SLAIN2: variants seen among roughly 807,000 people sequenced by gnomAD.
SLAIN2 encodes the protein SLAIN family member 2, also known as SLAIN motif-containing protein 2.
Under a neutral mutation model 56.6 loss-of-function variants are expected in SLAIN2, and 31 were observed. The ratio of observed to expected loss-of-function variants is 0.55; its 90% confidence interval spans 0.41 to 0.74. The LOEUF (loss-of-function observed/expected upper bound fraction) is 0.74, where lower values mean the gene tolerates loss of function less well. SLAIN2 is among the 30% of genes least tolerant of loss of function. The pLI is 0.00. For synonymous variants in SLAIN2, 317 were observed against 284.9 expected, an observed-to-expected ratio of 1.11 and a Z score of -1.13; for missense variants, 777 against 754.2, an observed-to-expected ratio of 1.03 and a Z score of -0.35.
At chr4:48,347,900 A>G (rs1320980661) in intron 1 of SLAIN2, among the ~76,000 whole-genome samples, 2 of 152,216 alleles carry the variant, frequency 1.3e-5, no homozygotes, top group African/African-American at 2.4e-5. Flanking sequence ...TTCATTTAGC[A>G]TTATGTTTTC....
At chr4:48,410,561 C>T (rs757615723) in intron 6 of SLAIN2, among the ~76,000 whole-genome samples, 9 of 152,194 alleles carry the variant, frequency 5.9e-5, no homozygotes, top group Non-Finnish European at 1.0e-4. Flanking sequence ...TTGCCAGACA[C>T]GAATCCGCTG....
chr4:48,351,369 T>C (rs1301594289), intron 1 of SLAIN2, among the ~76,000 whole-genome samples: 2 of 152,358 alleles, frequency 1.3e-5, no homozygotes, highest in African/African-American at 2.4e-5. Flanking sequence ...GAAAGAGTAC[T>C]TTAGTAATTT....
chr4:48,363,768 C>T (rs1214265971), intron 1 of SLAIN2, among the ~76,000 whole-genome samples: 190 of 126,432 alleles, frequency 1.5e-3, no homozygotes, highest in Middle Eastern at 5.1e-3. Flanking sequence ...ACCTCCCTCC[C>T]GGACGGGGCG....
chr4:48,390,084 C>CT (rs58551776), intron 6 of SLAIN2, among the ~76,000 whole-genome samples: 55,536 of 139,298 alleles, frequency 0.4, 11,332 homozygotes, highest in East Asian at 0.5. Context: ...TTTTCTTTTT[C>CT]TTTTTTTTTT....
chr4:48,383,913 T>C, intron 6 of SLAIN2, 129 bp downstream of exon 6: 4 of 993,190 alleles, frequency 4.0e-6, no homozygotes, highest in Non-Finnish European at 2.9e-6. Flanking sequence ...TATAGTAAAA[T>C]TTAGTGTTTA....
At chr4:48,372,670 T>A (rs1269540269) in intron 2 of SLAIN2, among the ~76,000 whole-genome samples, 1 of 152,202 alleles carries the variant, frequency 6.6e-6, no homozygotes, top group Admixed American at 6.5e-5. Context: ...TAGGAGTGTG[T>A]AAGAGAGGCA....
chr4:48,390,859 G>A (rs1220707589), intron 6 of SLAIN2, among the ~76,000 whole-genome samples: 1 of 152,138 alleles, frequency 6.6e-6, no homozygotes, highest in Non-Finnish European at 1.5e-5. Context: ...TTACTTGATG[G>A]AAGAACACTA....
chr4:48,355,797 C>T (rs1476058009), intron 1 of SLAIN2, among the ~76,000 whole-genome samples: 1 of 151,618 alleles, frequency 6.6e-6, no homozygotes, highest in Non-Finnish European at 1.5e-5. Flanking sequence ...TATCTAATTA[C>T]ATATATTTAT....
At chr4:48,362,796 G>C (rs1310401290) in intron 1 of SLAIN2, among the ~76,000 whole-genome samples, 3 of 102,982 alleles carry the variant, frequency 2.9e-5, no homozygotes, top group African/African-American at 1.2e-4. Flanking sequence ...TAATTCTTGG[G>C]TGTTTCTCAC....
chr4:48,398,825 G>C (rs192550458), intron 6 of SLAIN2, among the ~76,000 whole-genome samples: 1 of 152,232 alleles, frequency 6.6e-6, no homozygotes, highest in East Asian at 1.9e-4. Context: ...TCTTATTTCT[G>C]AGTTCTCCCT....
chr4:48,377,536 A>C (rs1484569998), intron 2 of SLAIN2, among the ~76,000 whole-genome samples: 8 of 152,072 alleles, frequency 5.3e-5, no homozygotes, highest in Non-Finnish European at 1.2e-4. Context: ...ATGAGAAAAC[A>C]TAAGTATGCT....
At chr4:48,387,317 T>G (rs1443610085) in intron 6 of SLAIN2, 1 of 152,218 alleles carries the variant, frequency 6.6e-6, no homozygotes, top group African/African-American at 2.4e-5. Context: ...AGAATTACCA[T>G]TTTGTAATTA....
chr4:48,385,830 T>G (rs541255296), intron 6 of SLAIN2, among the ~76,000 whole-genome samples: 8 of 152,138 alleles, frequency 5.3e-5, no homozygotes, highest in Admixed American at 5.2e-4. Context: ...TGTGTTTAGC[T>G]GACTTCATAT....
chr4:48,379,871 G>A, intron 4 of SLAIN2, 23 bp downstream of exon 4: 2 of 1,509,362 alleles, frequency 1.3e-6, no homozygotes, highest in Non-Finnish European at 8.8e-7. Flanking sequence ...ATTGTTAAGA[G>A]TTGAGGTTTT....
chr4:48,383,908 T>A, intron 6 of SLAIN2, 124 bp downstream of exon 6: 1 of 1,026,738 alleles, frequency 9.7e-7, no homozygotes, highest in Non-Finnish European at 1.4e-6. Context: ...ATAGCTATAG[T>A]AAAATTTAGT....
chr4:48,405,556 T>C (rs1490220164), intron 6 of SLAIN2, among the ~76,000 whole-genome samples: 1 of 152,172 alleles, frequency 6.6e-6, no homozygotes, highest in East Asian at 1.9e-4. Context: ...TTCTATAAAG[T>C]GATAGTTGGA....
chr4:48,354,194 G>C (rs1039336328), intron 1 of SLAIN2, among the ~76,000 whole-genome samples: 2 of 152,136 alleles, frequency 1.3e-5, no homozygotes, highest in African/African-American at 4.8e-5. Context: ...GTATTTAGTT[G>C]TATCTTAAGA....
intron 6 of SLAIN2, among the ~76,000 whole-genome samples, chr4:48,408,299 CT>C (rs1233550885): frequency 2.0e-5 from 3 of 151,680 alleles, no homozygotes; most frequent in Non-Finnish European, 4.4e-5. Flanking sequence ...CCACTTCCAG[CT>C]TGGGCAACAG....
At chr4:48,420,980 G>T (rs1228862242) in intron 7 of SLAIN2, among the ~76,000 whole-genome samples, 1 of 151,872 alleles carries the variant, frequency 6.6e-6, no homozygotes, top group African/African-American at 2.4e-5. Flanking sequence ...GGGTGTGCTA[G>T]GTATTTTGTT....
Sources: gnomAD v4.1 joint callset for allele counts (sites outside exome capture counted in the v4.1 genomes callset) on GRCh38, gnomAD v4.1.1 for gene constraint, MANE v1.5 for transcripts, NCBI Gene and HGNC (gene_info 2026-07-23, HGNC 2026-07-21) for gene names.